ASB12: variants seen among roughly 807,000 people sequenced by gnomAD.
ASB12 encodes the protein ankyrin repeat and SOCS box containing 12.
A neutral mutation model predicts 13.7 loss-of-function variants in ASB12; 17 were observed. The ratio of observed to expected loss-of-function variants is 1.24; its 90% CI spans 0.85 to 1.86. ASB12 has a LOEUF of 1.86. ASB12 is among the 40% of genes most tolerant of loss of function. The pLI is 0.00. For missense variants in ASB12, 329 were observed against 250.5 expected (o/e 1.31, Z -2.11); for synonymous variants, 107 against 99.8 (o/e 1.07, Z -0.43).
Position 64,225,337 on chromosome X carries a change from T to G in ASB12, c.314A>C (p.Lys105Thr). The G allele has an allele frequency of 8.3e-7, 1 of 1,209,121 alleles. No homozygotes were observed. The highest frequency in any genetic ancestry group is 1.1e-6 in the Non-Finnish European group (1 of 894,209). The change falls in exon 2 of 3, where the codon AAG becomes ACG. Residue 105 changes from lysine to threonine, a missense_variant. By Grantham distance (78) the Lys-to-Thr change is moderately conservative. Transcript: ENST00000362002. Reference protein sequence around the residue: ...HGADVDSLDVKAQTPLFTAVS... With the variant: ...HGADVDSLDVTAQTPLFTAVS... ...AGCAGTGAAAAGTGGCGTCTGTGCC[T>G]TGACATCCAAGCTGTCAACATCAGC...
chrX:64,224,613 G>A (rs1930893508), intron 2 of ASB12, 145 bp from the exon 3 acceptor site: 1 of 850,519 alleles, frequency 1.2e-6, no homozygotes, highest in African/African-American at 2.1e-5. Flanking sequence ...GCCAGAACCA[G>A]AAATTGGGCT....
At position 64,225,412 on chromosome X, in the gene ASB12, G is replaced by A. The variant is rs1930927102; in HGVS notation, c.239C>T (p.Ala80Val). 8.3e-7 allele frequency: 1 copy of A among 1,209,065 alleles called. No individual in the cohort carries two copies. Among genetic ancestry groups the A allele is most frequent in the Non-Finnish European group, 1.1e-6 (1 of 894,197 alleles). ...ACAGCTCAAGTGGCCATAAGAAGCA[G>A]CCAAGCGCAAGGGTGTCCCAGGAAC... ...WGVPGTPLRL[A>V]ASYGHLSCLQ... The change falls in exon 2 of 3, where the codon GCT (alanine) becomes GTT (valine). Residue 80 changes from alanine to valine, a missense_variant. Ala to Val is a moderately conservative substitution (Grantham distance 64). Coordinates refer to ENST00000362002, the MANE Select transcript of ASB12 (RefSeq NM_130388.4).
intron 1 of ASB12, 38 bp from the exon 2 acceptor site, chrX:64,225,712 C>A (rs1193524813): frequency 2.6e-5 from 29 of 1,127,951 alleles, no homozygotes; most frequent in Non-Finnish European, 3.4e-5. Flanking sequence ...ATGAGGGTAC[C>A]CATCAAAAGC....
intron 1 of ASB12, among the ~76,000 whole-genome samples, chrX:64,227,771 C>T (rs1930975703): frequency 8.9e-6 from 1 of 112,084 alleles, no homozygotes; most frequent in African/African-American, 3.2e-5. Flanking sequence ...CATGACTAAA[C>T]TTGATCCATA....
intron 1 of ASB12, chrX:64,226,767 G>A: frequency 1.3e-6 from 1 of 753,559 alleles, no homozygotes; most frequent in Non-Finnish European, 1.6e-6. Flanking sequence ...ATCAGGGCGA[G>A]CTGGCAGGTT....
chrX:64,228,882 T>C (rs1931000764), intron 1 of ASB12, among the ~76,000 whole-genome samples: 1 of 111,756 alleles, frequency 8.9e-6, no homozygotes, highest in African/African-American at 3.3e-5. Flanking sequence ...TTCAAAGCAA[T>C]TTCATGTAAC....
chrX:64,228,728 T>C (rs1930997124), intron 1 of ASB12, among the ~76,000 whole-genome samples: 1 of 111,451 alleles, frequency 9.0e-6, no homozygotes, highest in Non-Finnish European at 1.9e-5. Flanking sequence ...AGGGACCTTG[T>C]AGATCATTTA....
chrX:64,224,385 G>T lies in ASB12; in HGVS notation c.907C>A (p.Gln303Lys). The T allele has an allele frequency of 1.7e-6, 2 of 1,210,416 alleles. No individual in the cohort carries two copies. The highest frequency in any genetic ancestry group is 1.8e-5 in the South Asian group (1 of 56,931). ...ATCAACATGGGAGGAATATCCAGCT[G>T]GTTGATGGCTTGTGGCTGGCCAGCC... is the stretch of plus-strand genomic sequence containing the variant. ...CQAGQPQAIN[Q>K]LDIPPMLISY... The change falls in exon 3 of 3, where the codon CAG becomes AAG. Residue 303 changes from glutamine (Q) to lysine (K), a missense_variant. Gln to Lys is a moderately conservative substitution (Grantham distance 53, BLOSUM62 1). Coordinates refer to ENST00000362002, the MANE Select transcript of ASB12 (RefSeq NM_130388.4).
At position 64,225,007 on chromosome X, in the gene ASB12, C is replaced by T. The variant is rs34077961; in HGVS notation, c.644G>A (p.Gly215Asp). 2.3e-3 allele frequency: 2,751 copies of T among 1,209,612 alleles called. 44 individuals are homozygous for T. In the African/African-American group the frequency reaches 0.033, roughly 15 times the overall value. Reference sequence around the variant, plus strand: ...GGGTCTTGGGACACGAGCCAATAGGCCCTGGTCAGTGCAGTTGTAGTCAGG... The same window carrying T: ...GGGTCTTGGGACACGAGCCAATAGGTCCTGGTCAGTGCAGTTGTAGTCAGG... The part of the protein sequence containing the change: ...ADPDYNCTDQ[G>D]LLARVPRPRT... The change falls in exon 2 of 3, where the codon GGC becomes GAC. Residue 215 changes from glycine (G) to aspartate (D), a missense_variant. Coordinates refer to ENST00000362002, the MANE Select transcript of ASB12 (RefSeq NM_130388.4).
Position 64,229,128 on chromosome X carries a change from C to A in ASB12, c.-25+1335G>T, listed in dbSNP as rs184012362. ...GGATCTTCAGCTTTTGAGTGTCATGCTGAATTCCAGGGTCTTCGGTAATGG... is the reference window on the plus strand; with the variant it reads ...GGATCTTCAGCTTTTGAGTGTCATGATGAATTCCAGGGTCTTCGGTAATGG... On this transcript the variant is annotated intron_variant, in intron 1 of 2. Transcript: ENST00000362002. Among the ~76,000 whole-genome samples the A allele has an allele frequency of 1.9e-3, 215 of 111,944 alleles. 1 individual carries two copies. Among genetic ancestry groups the A allele is most frequent in the African/African-American group, 6.7e-3 (207 of 30,846 alleles).
chrX:64,225,536 G>C lies in ASB12; in HGVS notation c.115C>G (p.Leu39Val), dbSNP rs368686450. The C allele has an allele frequency of 9.1e-6, 11 of 1,207,790 alleles. No homozygotes were observed. Among genetic ancestry groups the C allele is most frequent in the Non-Finnish European group, 1.2e-5 (11 of 894,187 alleles). Residue 39 changes from leucine to valine, a missense_variant, in exon 2 of 3, where the codon CTC (leucine) becomes GTC (valine). Transcript: ENST00000362002. ...EDTDTEEKQA[L>V]NQAVYDNDSY... ...TCGTTGTCATACACTGCTTGATTGA[G>C]AGCCTGCTTCTCCTCTGTGTCAGTG... is the stretch of plus-strand genomic sequence containing the variant.
chrX:64,230,013 G>A (rs1364176913), intron 1 of ASB12, among the ~76,000 whole-genome samples: 2 of 111,117 alleles, frequency 1.8e-5, no homozygotes, highest in Non-Finnish European at 3.8e-5. Context: ...GTTGGTTTCC[G>A]TGCATCCTAG....
chrX:64,227,422 A>C (rs960864203), intron 1 of ASB12, among the ~76,000 whole-genome samples: 11 of 111,744 alleles, frequency 9.8e-5, no homozygotes, highest in African/African-American at 3.3e-4. Flanking sequence ...AAAGCTCTTC[A>C]AAAGGTCATC....
Position 64,224,238 on chromosome X carries a change from A to G in ASB12, c.*97T>C, listed in dbSNP as rs1458334563. 1.0e-6 allele frequency: 1 copy of G among 952,504 alleles called. No individual in the cohort carries two copies. The highest frequency in any genetic ancestry group is 1.5e-6 in the Non-Finnish European group (1 of 675,624). The allele number at this position is 952,504 out of a possible 1,213,427, so 78.5% of individuals were successfully genotyped here. ...ATTGTGGAGGATAATACAGGAGAGC[A>G]GCTCCAGGTAAGTGGATGAGGCTGT... On this transcript the variant is annotated 3_prime_UTR_variant, in exon 3 of 3. Coordinates refer to ENST00000362002, the MANE Select transcript of ASB12 (RefSeq NM_130388.4).
At chrX:64,229,824 G>T (rs1410993486) in intron 1 of ASB12, among the ~76,000 whole-genome samples, 2 of 111,852 alleles carry the variant, frequency 1.8e-5, no homozygotes, top group Admixed American at 9.4e-5. Flanking sequence ...TACATGAACT[G>T]GTTATGCTAC....
chrX:64,227,311 C>A (rs1375064929), intron 1 of ASB12, among the ~76,000 whole-genome samples: 1 of 111,515 alleles, frequency 9.0e-6, no homozygotes, highest in Non-Finnish European at 1.9e-5. Flanking sequence ...TTCTTTACAC[C>A]AAACATATCC....
At position 64,225,364 on chromosome X, in the gene ASB12, C is replaced by T. The variant is rs1930924681; in HGVS notation, c.287G>A (p.Gly96Asp). The change falls in exon 2 of 3, where the codon GGT becomes GAT. Residue 96 changes from glycine (G) to aspartate (D), a missense_variant. Physicochemically the swap from Gly to Asp is moderately conservative, Grantham distance 94 (BLOSUM62 -1). Transcript: ENST00000362002. ...LSCLQVLLAH[G>D]ADVDSLDVKA... ...GACATCCAAGCTGTCAACATCAGCA[C>T]CATGGGCTAAGAGGACTTGCAAACA... 2 of 1,206,910 alleles carry T rather than the reference C, an allele frequency of 1.7e-6. No individual in the cohort carries two copies. Among genetic ancestry groups the T allele is most frequent in the Admixed American group, 4.4e-5 (2 of 45,511 alleles).
chrX:64,224,323 GA>G lies in ASB12; in HGVS notation c.*11del, dbSNP rs750896461. ...TTCGGAGGCATCATAAGTTCCTGGG[GA>G]GACTGCAAGATTACAGTTGGTGTTT... is the stretch of plus-strand genomic sequence containing the variant. On this transcript the variant is annotated 3_prime_UTR_variant, in exon 3 of 3. Transcript: ENST00000362002. 1 of 1,209,881 alleles carries G rather than the reference GA, an allele frequency of 8.3e-7. No individual in the cohort carries two copies. Among genetic ancestry groups the G allele is most frequent in the Non-Finnish European group, 1.1e-6 (1 of 894,146 alleles).
In ASB12 at chrX:64,224,395, T is replaced by A; in HGVS notation, c.897A>T (p.Gln299His). Reference protein sequence around the residue: ...RRALCQAGQPQAINQLDIPPM... With the variant: ...RRALCQAGQPHAINQLDIPPM... ...GAGGAATATCCAGCTGGTTGATGGCTTGTGGCTGGCCAGCCTGGCACAAGG... is the reference window on the plus strand; with the variant it reads ...GAGGAATATCCAGCTGGTTGATGGCATGTGGCTGGCCAGCCTGGCACAAGG... Residue 299 changes from glutamine (Q) to histidine (H), a missense_variant, in exon 3 of 3, where the codon CAA (glutamine) becomes CAT (histidine). Physicochemically the swap from Gln to His is conservative, Grantham distance 24. Coordinates refer to ENST00000362002, the MANE Select transcript of ASB12 (RefSeq NM_130388.4). The A allele has an allele frequency of 8.3e-7, 1 of 1,210,190 alleles. No homozygotes were observed.
Sources: allele counts gnomAD v4.1 joint callset (sites outside exome capture counted in the v4.1 genomes callset), GRCh38; gene constraint gnomAD v4.1.1; transcripts MANE v1.5; gene names NCBI Gene and HGNC (gene_info 2026-07-23, HGNC 2026-07-21).